The following ISX variants were observed in gnomAD, a reference collection of about 807,000 sequenced individuals.
The protein encoded by ISX is intestine-specific homeobox.
A neutral mutation model predicts 16.9 loss-of-function variants in ISX; 15 were observed. That is an observed-to-expected ratio of 0.89 (90% CI 0.59 to 1.36). ISX has a LOEUF of 1.36. Ranked by LOEUF, ISX falls within the 40% of genes most tolerant of loss-of-function variation. ISX has a pLI of 0.00. For synonymous variants in ISX, 125 were observed against 119.7 expected (o/e 1.04, Z -0.29); for missense variants, 316 against 306.1 (o/e 1.03, Z -0.24).
At chr22:35,084,358 C>T (rs1385338142) in intron 3 of ISX, 25 bp from the exon 4 acceptor site, 2 of 1,528,628 alleles carry the variant, frequency 1.3e-6, no homozygotes, top group Non-Finnish European at 1.8e-6. Context: ...TCTTGCTTAT[C>T]CCCGTCCTTT....
rs1302185323 is a variant in ISX at position 35,067,274 on chromosome 22, T to TCAGGC, written c.188_192dup (p.Ser65GlnfsTer5). On this transcript the variant is annotated frameshift_variant, in exon 2 of 5. Coordinates refer to ENST00000404699, the MANE Select transcript of ISX (RefSeq NM_001303508.2). LOFTEE classifies it high-confidence loss of function. ...AGAGGGCCCCGGAGAAGCTGCGGCC[T>TCAGGC]CAGGCTCTGGGCTAGAAAAGCCTCC... 1 of 1,593,870 alleles carries TCAGGC rather than the reference T, an allele frequency of 6.3e-7. No individual in the cohort carries two copies.
intron 2 of ISX, among the ~76,000 whole-genome samples, chr22:35,078,513 G>T (rs1454280350): frequency 6.6e-6 from 1 of 152,160 alleles, no homozygotes; most frequent in African/African-American, 2.4e-5. Flanking sequence ...AGGGAGGGAA[G>T]GGGGTAGAGA....
rs1569110107 is a variant in ISX at position 35,067,221 on chromosome 22, A to T, written c.134A>T (p.Asp45Val). The T allele has an allele frequency of 6.2e-7, 1 of 1,610,114 alleles. No homozygotes were observed. The highest frequency in any genetic ancestry group is 1.1e-5 in the South Asian group (1 of 89,964). The stretch of plus-strand genomic sequence containing the variant: ...CTAAAGAGGCCTGCCAGGAGGAGTG[A>T]TATGGACAGACCAGAAGGGCCAGGT... Reference protein sequence around the residue: ...AILKRPARRSDMDRPEGPGEE... With the variant: ...AILKRPARRSVMDRPEGPGEE... Residue 45 changes from aspartate (D) to valine (V), a missense_variant, in exon 2 of 5, where the codon GAT becomes GTT. Coordinates refer to ENST00000404699, the MANE Select transcript of ISX (RefSeq NM_001303508.2).
At chr22:35,072,524 A>G (rs1210436129) in intron 2 of ISX, among the ~76,000 whole-genome samples, 1 of 152,228 alleles carries the variant, frequency 6.6e-6, no homozygotes, top group Non-Finnish European at 1.5e-5. Flanking sequence ...AAACCCTGGC[A>G]GTAAGAAGTA....
intron 3 of ISX, among the ~76,000 whole-genome samples, chr22:35,083,497 T>G (rs1339483801): frequency 6.6e-6 from 1 of 152,236 alleles, no homozygotes; most frequent in Non-Finnish European, 1.5e-5. Flanking sequence ...TCACTAGAGG[T>G]ATTTCCTGCC....
intron 4 of ISX, 49 bp downstream of exon 4, chr22:35,084,548 A>AAT: frequency 7.7e-7 from 1 of 1,294,580 alleles, no homozygotes; most frequent in Non-Finnish European, 1.1e-6. Context: ...ATTGTCTGGA[A>AAT]ATATCCCAGT....
chr22:35,074,967 T>G (rs1928944582), intron 2 of ISX, among the ~76,000 whole-genome samples: 1 of 152,170 alleles, frequency 6.6e-6, no homozygotes, highest in Non-Finnish European at 1.5e-5. Flanking sequence ...GCACATGAAA[T>G]CAACCCACTG....
Position 35,086,527 on chromosome 22 carries a change from C to T in ISX, c.*834C>T, listed in dbSNP as rs1929259231. The T allele has an allele frequency of 6.6e-6, 1 of 152,238 alleles. No individual in the cohort carries two copies. The highest frequency in any genetic ancestry group is 1.5e-5 in the Non-Finnish European group (1 of 68,064). 9.4% of individuals were successfully genotyped at this position (152,238 alleles called of 1,614,324 possible). ...AGCTGGAAGACTAGCCTCACTCTGT[C>T]CTCGAAAGCCTGAGCTTTCATTCAA... On this transcript the variant is annotated 3_prime_UTR_variant, in exon 5 of 5. Transcript: ENST00000404699.
At chr22:35,074,943 G>T (rs1350739662) in intron 2 of ISX, among the ~76,000 whole-genome samples, 1 of 152,256 alleles carries the variant, frequency 6.6e-6, no homozygotes, top group South Asian at 2.1e-4. Context: ...AGTTAGAAAT[G>T]TTGAAATATT....
chr22:35,082,894 A>C (rs1482697280), intron 3 of ISX, among the ~76,000 whole-genome samples: 1 of 152,234 alleles, frequency 6.6e-6, no homozygotes, highest in East Asian at 1.9e-4. Flanking sequence ...AAGTGGCATC[A>C]GTGATCACCA....
intron 2 of ISX, among the ~76,000 whole-genome samples, chr22:35,073,164 G>A (rs1928899035): frequency 6.6e-6 from 1 of 152,164 alleles, no homozygotes; most frequent in African/African-American, 2.4e-5. Context: ...CACTTTCACT[G>A]CATTTCATTC....
Position 35,082,659 on chromosome 22 carries a change from C to T in ISX, c.371C>T (p.Ala124Val). The T allele has an allele frequency of 6.2e-7, 1 of 1,614,114 alleles. No homozygotes were observed. Among genetic ancestry groups the T allele is most frequent in the Non-Finnish European group, 8.5e-7 (1 of 1,180,014 alleles). ...QLAARINLPE[A>V]RVQIWFQNQR... is the part of the protein sequence containing the mutation. ...GCAGCCAGGATCAACCTCCCAGAAG[C>T]TCGGGTGCAGGTACAGCCATCCCTA... The change falls in exon 3 of 5, where the codon GCT (alanine) becomes GTT (valine). Residue 124 changes from alanine to valine, a missense_variant. Coordinates refer to ENST00000404699, the MANE Select transcript of ISX (RefSeq NM_001303508.2).
Position 35,085,821 on chromosome 22 carries a change from C to G in ISX, c.*128C>G. On this transcript the variant is annotated 3_prime_UTR_variant, in exon 5 of 5. Coordinates refer to ENST00000404699, the MANE Select transcript of ISX (RefSeq NM_001303508.2). The stretch of plus-strand genomic sequence containing the variant: ...AATGGCCCACAGCCCAGGAAGCTAC[C>G]CTGAACATGCCAGTTGGAAGGCTGC... 8.7e-7 allele frequency: 1 copy of G among 1,143,206 alleles called. No homozygotes were observed. The highest frequency in any genetic ancestry group is 1.3e-6 in the Non-Finnish European group (1 of 787,594). 70.8% of individuals were successfully genotyped at this position (1,143,206 alleles called of 1,614,324 possible). A position where few individuals can be genotyped will look rare whatever the true frequency, so the allele number is the denominator to read the frequency against.
rs558860521 is a variant in ISX, at chr22:35,078,843, C to T, written c.230-3675C>T. 6.6e-5 allele frequency among the ~76,000 whole-genome samples: 10 copies of T among 152,338 alleles called. No homozygotes were observed. In the South Asian group the frequency reaches 1.7e-3, roughly 25 times the overall value. ...TAAACGCGTTCTGCAGGCAAGCCTG[C>T]GGTGAGTGCTTTTGAGCCATTCATC... On this transcript the variant is annotated intron_variant, in intron 2 of 4. Transcript: ENST00000404699.
At chr22:35,073,757 C>A (rs781325968) in intron 2 of ISX, among the ~76,000 whole-genome samples, 1 of 152,182 alleles carries the variant, frequency 6.6e-6, no homozygotes, top group Non-Finnish European at 1.5e-5. Context: ...TAGGTGATGT[C>A]CAAGGATACA....
chr22:35,076,221 C>T (rs368503455), intron 2 of ISX, among the ~76,000 whole-genome samples: 1 of 151,972 alleles, frequency 6.6e-6, no homozygotes, highest in Non-Finnish European at 1.5e-5. Context: ...AGGAGGAGGA[C>T]AAGGAATTCC....
chr22:35,068,814 C>T (rs540004405), intron 2 of ISX, among the ~76,000 whole-genome samples: 3 of 152,320 alleles, frequency 2.0e-5, no homozygotes, highest in Admixed American at 6.5e-5. Flanking sequence ...CCTTCCACAG[C>T]ACTTTTGTGG....
At chr22:35,067,415 AGGACT>A in intron 2 of ISX, 99 bp downstream of exon 2, 1 of 803,022 alleles carries the variant, frequency 1.2e-6, no homozygotes, top group South Asian at 1.8e-5. Flanking sequence ...AACTGGATAG[AGGACT>A]CTAAAATTCA....
chr22:35,078,884 G>A (rs373794026), intron 2 of ISX, among the ~76,000 whole-genome samples: 3 of 152,180 alleles, frequency 2.0e-5, no homozygotes, highest in Non-Finnish European at 2.9e-5. Flanking sequence ...TCCCAGAGAC[G>A]GAGGATTACA....
Sources: gnomAD v4.1 joint callset for allele counts (sites outside exome capture counted in the v4.1 genomes callset) on GRCh38, gnomAD v4.1.1 for gene constraint, MANE v1.5 for transcripts, NCBI Gene and HGNC (gene_info 2026-07-23, HGNC 2026-07-21) for gene names.